PXK: variants seen among roughly 807,000 people sequenced by gnomAD.
PXK encodes PX domain-containing protein kinase-like protein.
In PXK, 35 loss-of-function variants were observed where a neutral mutation model predicts 84.7. The ratio of observed to expected loss-of-function variants is 0.41; its 90% confidence interval spans 0.32 to 0.55. The LOEUF (loss-of-function observed/expected upper bound fraction) is 0.55. Ranked by LOEUF, PXK falls within the 20% of genes least tolerant of loss-of-function variation. The probability of loss-of-function intolerance (pLI) is 0.21; values close to 1 mark genes in which losing one functional copy is unlikely to be tolerated. For missense variants in PXK, 634 were observed against 699.7 expected, an observed-to-expected ratio of 0.91 and a Z score of 1.06; for synonymous variants, 253 against 260.8, an observed-to-expected ratio of 0.97 and a Z score of 0.29.
At chr3:58,346,567 G>A (rs1009615885) in intron 1 of PXK, among the ~76,000 whole-genome samples, 16 of 152,172 alleles carry the variant, frequency 1.1e-4, no homozygotes, top group African/African-American at 3.9e-4. Flanking sequence ...TGAAAAGGGA[G>A]TGTTACTTGT....
Position 58,398,351 on chromosome 3 carries a change from T to C in PXK, c.1102+629T>C, listed in dbSNP as rs1286029189. Among the ~76,000 whole-genome samples, 1 of 152,110 alleles carries C rather than the reference T, an allele frequency of 6.6e-6. No homozygotes were observed. The highest frequency in any genetic ancestry group is 1.5e-5 in the Non-Finnish European group (1 of 68,032). On this transcript the variant is annotated intron_variant, in intron 11 of 17. Coordinates refer to ENST00000356151, the MANE Select transcript of PXK (RefSeq NM_017771.5). This position sits in a 1 kb window ranked among gnomAD's most constrained non-coding sequence, Gnocchi z 4.5. ...GCCTCTTGGGAGGTGGAGGTTGCAG[T>C]GAGCCGAGATTGCGCCACTGCACTC...
At chr3:58,418,476 T>C (rs2061330516) in intron 17 of PXK, among the ~76,000 whole-genome samples, 3 of 152,222 alleles carry the variant, frequency 2.0e-5, no homozygotes. Flanking sequence ...CAGGGTGCGC[T>C]GCAGGGCCCG....
rs761732682 is a variant in PXK at position 58,412,009 on chromosome 3, C to G, written c.1466-892C>G. On this transcript the variant is annotated intron_variant, in intron 16 of 17. Transcript: ENST00000356151. The surrounding 1 kb of genome is among the most constrained non-coding windows in gnomAD (Gnocchi z 6.2). ...CTGTGGGTAGTGAGGGAAGTGATGG[C>G]TGGGGCCTTAACCACACCAGCTCTG... Among the ~76,000 whole-genome samples, 1 of 152,124 alleles carries G rather than the reference C, an allele frequency of 6.6e-6. No homozygotes were observed. The highest frequency in any genetic ancestry group is 1.5e-5 in the Non-Finnish European group (1 of 68,030).
At chr3:58,424,055 C>T (rs1229785170) in intron 17 of PXK, among the ~76,000 whole-genome samples, 1 of 152,174 alleles carries the variant, frequency 6.6e-6, no homozygotes. Context: ...AGAAGGATTT[C>T]TCTGTAAGAA....
At chr3:58,336,648 A>G (rs1157437770) in intron 1 of PXK, among the ~76,000 whole-genome samples, 1 of 152,228 alleles carries the variant, frequency 6.6e-6, no homozygotes, top group Non-Finnish European at 1.5e-5. Context: ...TCTTGGCTAT[A>G]TAAAAGGGAA....
At chr3:58,396,437 G>T (rs2057691778) in intron 9 of PXK, among the ~76,000 whole-genome samples, 1 of 152,182 alleles carries the variant, frequency 6.6e-6, no homozygotes, top group South Asian at 2.1e-4. Flanking sequence ...CACCCCACTT[G>T]CCTATCACTG....
chr3:58,411,168 T>A lies in PXK; in HGVS notation c.1465+1009T>A, dbSNP rs78913250. On this transcript the variant is annotated intron_variant, in intron 16 of 17. Coordinates refer to ENST00000356151, the MANE Select transcript of PXK (RefSeq NM_017771.5). This position sits in a 1 kb window ranked among gnomAD's most constrained non-coding sequence, Gnocchi z 4.2. ...CTCAGTGAAGTCAGGGAGGAGAATGTCTGCCTGGGGCGGGAGGAGAAAAGT... is the reference window on the plus strand; with the variant it reads ...CTCAGTGAAGTCAGGGAGGAGAATGACTGCCTGGGGCGGGAGGAGAAAAGT... Among the ~76,000 whole-genome samples the A allele has an allele frequency of 0.021, 3,164 of 152,258 alleles. 50 individuals carry two copies. The highest frequency in any genetic ancestry group is 0.031 in the Non-Finnish European group (2,097 of 68,006).
At position 58,397,613 on chromosome 3, in the gene PXK, A is replaced by G; in HGVS notation, c.993A>G (p.Glu331=). The change falls in exon 11 of 18, where the codon GAA becomes GAG. Residue 331 remains glutamate, a synonymous_variant. Coordinates refer to ENST00000356151, the MANE Select transcript of PXK (RefSeq NM_017771.5). The surrounding 1 kb of genome is among the most constrained non-coding windows in gnomAD (Gnocchi z 4.7). ...FSQFRKINTL[E]SVDVHCFGHL... ...TACTCTTTCTTCCACAGACATTGGA[A>G]AGTGTGGATGTCCACTGCTTTGGCC... 1 of 1,612,956 alleles carries G rather than the reference A, an allele frequency of 6.2e-7. No individual in the cohort carries two copies. Among genetic ancestry groups the G allele is most frequent in the Non-Finnish European group, 8.5e-7 (1 of 1,178,912 alleles).
In PXK at chr3:58,394,897, A is replaced by G. The variant is rs1402311296; in HGVS notation, c.616-101A>G. Reference sequence around the variant, plus strand: ...ATATCACTACATTCGTATGCAATTAAACCACCACAGTGCTACTTGACTCTG... The same window carrying G: ...ATATCACTACATTCGTATGCAATTAGACCACCACAGTGCTACTTGACTCTG... On this transcript the variant is annotated intron_variant, in intron 7 of 17. Transcript: ENST00000356151. 6.1e-6 allele frequency: 5 copies of G among 817,162 alleles called. No individual in the cohort carries two copies. In the African/African-American group the frequency reaches 8.5e-5, roughly 14 times the overall value. 50.6% of individuals were successfully genotyped at this position (817,162 alleles called of 1,614,324 possible).
intron 2 of PXK, among the ~76,000 whole-genome samples, chr3:58,368,781 T>C (rs1294656790): frequency 6.6e-6 from 1 of 152,216 alleles, no homozygotes; most frequent in Non-Finnish European, 1.5e-5. Context: ...AAGGTTAAAG[T>C]CAAACTATTC....
chr3:58,388,808 T>C (rs2098593617), intron 4 of PXK, among the ~76,000 whole-genome samples: 2 of 152,200 alleles, frequency 1.3e-5, no homozygotes, highest in Admixed American at 6.5e-5. Flanking sequence ...CAAATGATAT[T>C]GTTTGCCAAG....
intron 13 of PXK, among the ~76,000 whole-genome samples, chr3:58,404,459 C>G (rs796389630): frequency 3.9e-5 from 6 of 152,168 alleles, no homozygotes; most frequent in South Asian, 2.1e-4. Flanking sequence ...CTCCTTGCCC[C>G]CTCTCCTGCA....
In PXK at chr3:58,366,678, G is replaced by C. The variant is rs188319255; in HGVS notation, c.153+754G>C. Among the ~76,000 whole-genome samples, 107 of 152,208 alleles carry C rather than the reference G, an allele frequency of 7.0e-4. 1 individual carries two copies. The highest frequency in any genetic ancestry group is 1.4e-3 in the Non-Finnish European group (96 of 68,016). On this transcript the variant is annotated intron_variant, in intron 2 of 17. Transcript: ENST00000356151. The stretch of plus-strand genomic sequence containing the variant: ...GTTGTCCACACTTGGTCTTTTCTTT[G>C]CCTGAAATTTCAAACTACTGTTTGT...
rs118138192 is a variant in PXK at position 58,415,573 on chromosome 3, T to A, written c.1528+2610T>A. Among the ~76,000 whole-genome samples, 10 of 152,360 alleles carry A rather than the reference T, an allele frequency of 6.6e-5. No individual in the cohort carries two copies. In the East Asian group the frequency reaches 1.9e-3, roughly 29 times the overall value. On this transcript the variant is annotated intron_variant, in intron 17 of 17. Coordinates refer to ENST00000356151, the MANE Select transcript of PXK (RefSeq NM_017771.5). Reference sequence around the variant, plus strand: ...TCAGGAAGCTCTCCAAACCCTGCCCTCTTGGGCCTTTTATGGAGACGTCAT... The same window carrying A: ...TCAGGAAGCTCTCCAAACCCTGCCCACTTGGGCCTTTTATGGAGACGTCAT...
intron 1 of PXK, among the ~76,000 whole-genome samples, chr3:58,341,838 G>T: frequency 6.6e-6 from 1 of 151,792 alleles, no homozygotes; most frequent in African/African-American, 2.4e-5. Flanking sequence ...TGCGTAGCTG[G>T]GACTACAGGC....
chr3:58,361,193 G>C (rs1039174749), intron 1 of PXK, among the ~76,000 whole-genome samples: 4 of 151,238 alleles, frequency 2.6e-5, no homozygotes, highest in Non-Finnish European at 5.9e-5. Context: ...CTACTCGAGA[G>C]GCTGAGGCAG....
At chr3:58,387,740 A>G (rs1254100141) in intron 4 of PXK, among the ~76,000 whole-genome samples, 1 of 152,186 alleles carries the variant, frequency 6.6e-6, no homozygotes, top group African/African-American at 2.4e-5. Context: ...AATAGAGGAC[A>G]TTCACAGGTA....
At chr3:58,380,897 A>G (rs1357485486) in intron 3 of PXK, among the ~76,000 whole-genome samples, 1 of 152,238 alleles carries the variant, frequency 6.6e-6, no homozygotes, top group African/African-American at 2.4e-5. Context: ...AGGGGAGGAT[A>G]AAGACATCCT....
At chr3:58,392,586 G>A (rs2098641785) in intron 7 of PXK, among the ~76,000 whole-genome samples, 1 of 152,036 alleles carries the variant, frequency 6.6e-6, no homozygotes, top group African/African-American at 2.4e-5. Context: ...GAGGTGCAAT[G>A]TGAGGCCAAA....
Sources: allele counts gnomAD v4.1 joint callset (sites outside exome capture counted in the v4.1 genomes callset), GRCh38; gene constraint gnomAD v4.1.1; non-coding constraint Gnocchi (gnomAD v3.1); transcripts MANE v1.5; gene names NCBI Gene and HGNC (gene_info 2026-07-23, HGNC 2026-07-21).